The following PASD1 variants were observed in gnomAD, a reference collection of about 807,000 sequenced individuals.
The protein encoded by PASD1 is circadian clock protein PASD1.
PASD1 carries 13 observed loss-of-function variants against 58.8 expected under a neutral mutation model. The observed-to-expected ratio is 0.22, with a 90% CI of 0.14 to 0.35. The LOEUF (loss-of-function observed/expected upper bound fraction) is 0.35. Among genes scored for constraint, PASD1 ranks in the 10% least tolerant of loss-of-function variants. PASD1 has a pLI of 1.00. For missense variants in PASD1, 734 were observed against 568.3 expected (o/e 1.29, Z -2.96); for synonymous variants, 236 against 216.7 (o/e 1.09, Z -0.78).
At chrX:151,611,865 C>A in intron 4 of PASD1, 112 bp downstream of exon 4, 2 of 507,697 alleles carry the variant, frequency 3.9e-6, no homozygotes, top group Non-Finnish European at 3.1e-6. Context: ...ATGTGCACAA[C>A]GTGCAGGTTT....
At chrX:151,624,105 G>A (rs62609271) in intron 7 of PASD1, among the ~76,000 whole-genome samples, 24,176 of 110,978 alleles carry the variant, frequency 0.22, 2,096 homozygotes, top group Non-Finnish European at 0.27. Context: ...AAGAACAGAA[G>A]CAAGAATACC....
intron 1 of PASD1, among the ~76,000 whole-genome samples, chrX:151,584,736 C>T (rs757562582): frequency 5.5e-4 from 62 of 112,116 alleles, no homozygotes; most frequent in African/African-American, 1.8e-3. Flanking sequence ...AAACTTCACA[C>T]AGAATTCACT....
intron 8 of PASD1, among the ~76,000 whole-genome samples, chrX:151,632,834 A>G (rs779583823): frequency 1.3e-4 from 14 of 111,414 alleles, no homozygotes; most frequent in Non-Finnish European, 2.1e-4. Flanking sequence ...TTATCTATAA[A>G]TGATGAAGAT....
chrX:151,587,262 A>G (rs1351209478), intron 1 of PASD1, among the ~76,000 whole-genome samples: 3 of 97,852 alleles, frequency 3.1e-5, no homozygotes, highest in Non-Finnish European at 6.1e-5. Context: ...TTTTAGGAAC[A>G]GGATTAGGAT....
chrX:151,573,489 T>TA (rs1425249752), intron 1 of PASD1, among the ~76,000 whole-genome samples: 8 of 112,439 alleles, frequency 7.1e-5, no homozygotes, highest in African/African-American at 2.6e-4. Flanking sequence ...GAGAGAAACT[T>TA]ACCCTATTCG....
At chrX:151,566,057 G>A (rs2012836954) in intron 1 of PASD1, among the ~76,000 whole-genome samples, 1 of 112,159 alleles carries the variant, frequency 8.9e-6, no homozygotes, top group Admixed American at 9.4e-5. Flanking sequence ...TGTGATAAAA[G>A]TGTAGTTTAA....
intron 1 of PASD1, among the ~76,000 whole-genome samples, chrX:151,571,498 T>C (rs970457306): frequency 1.8e-5 from 2 of 111,586 alleles, no homozygotes; most frequent in Non-Finnish European, 3.8e-5. Context: ...GTCACTCCCT[T>C]GGGGCGCTCA....
chrX:151,671,307 CGGTA>C, intron 12 of PASD1, 111 bp downstream of exon 12: 1 of 898,613 alleles, frequency 1.1e-6, no homozygotes. Context: ...TGGTGTCTGC[CGGTA>C]GTGACAGCTG....
chrX:151,597,017 C>T (rs2013330264), intron 1 of PASD1, among the ~76,000 whole-genome samples: 1 of 111,941 alleles, frequency 8.9e-6, no homozygotes, highest in Non-Finnish European at 1.9e-5. Context: ...CCTGATATTT[C>T]TGGATTAACT....
At chrX:151,660,873 G>A (rs34558261) in intron 10 of PASD1, among the ~76,000 whole-genome samples, 29,801 of 111,524 alleles carry the variant, frequency 0.27, 3,590 homozygotes, top group Non-Finnish European at 0.38. Context: ...GGTAAACTGG[G>A]CCGGGCACGG....
intron 15 of PASD1, among the ~76,000 whole-genome samples, chrX:151,674,390 G>T (rs760391265): frequency 8.9e-6 from 1 of 112,497 alleles, no homozygotes; most frequent in Non-Finnish European, 1.9e-5. Flanking sequence ...AAAAAAGTGA[G>T]CTGGCCTAGT....
intron 4 of PASD1, among the ~76,000 whole-genome samples, chrX:151,613,813 TAC>T (rs992365874): frequency 6.3e-5 from 7 of 111,575 alleles, no homozygotes; most frequent in African/African-American, 2.3e-4. Flanking sequence ...GGTTTCAGAG[TAC>T]TATAGATTGG....
intron 8 of PASD1, among the ~76,000 whole-genome samples, chrX:151,632,251 G>A (rs1250760809): frequency 1.8e-5 from 2 of 111,084 alleles, no homozygotes; most frequent in Non-Finnish European, 3.8e-5. Context: ...GTTCCTTTGT[G>A]GCCAGAAAGG....
intron 15 of PASD1, 83 bp downstream of exon 15, chrX:151,674,269 G>A (rs1206261567): frequency 8.9e-7 from 1 of 1,118,788 alleles, no homozygotes; most frequent in African/African-American, 1.8e-5. Flanking sequence ...CACACCCCAA[G>A]TGCATGCTGT....
intron 8 of PASD1, among the ~76,000 whole-genome samples, chrX:151,629,968 A>T (rs2013847009): frequency 8.9e-6 from 1 of 111,868 alleles, no homozygotes; most frequent in African/African-American, 3.3e-5. Context: ...TCTATGCCGT[A>T]ATCTTCATAA....
rs202122336 is a variant in PASD1, at chrX:151,664,235, A to G, written c.958A>G (p.Met320Val). Residue 320 changes from methionine (M) to valine (V), a missense_variant, in exon 11 of 16, where the codon ATG becomes GTG. Physicochemically the swap from Met to Val is conservative, Grantham distance 21 (BLOSUM62 1). Coordinates refer to ENST00000370357, the MANE Select transcript of PASD1 (RefSeq NM_173493.3). ...QVDSVDQEGP[M>V]DQQDPENPVA... ...GGACTCAGTGGACCAGGAGGGCCCA[A>G]TGGACCAGCAGGACCCAGAGAACCC... 208 of 1,199,332 alleles carry G rather than the reference A, an allele frequency of 1.7e-4. No individual in the cohort carries two copies. The highest frequency in any genetic ancestry group is 9.7e-4 in the Admixed American group (44 of 45,505).
At chrX:151,647,207 G>A (rs1467024186) in intron 8 of PASD1, among the ~76,000 whole-genome samples, 3 of 112,009 alleles carry the variant, frequency 2.7e-5, no homozygotes, top group Non-Finnish European at 3.8e-5. Flanking sequence ...CAAGGGATAC[G>A]ACATGGTCTG....
chrX:151,674,946 T>C (rs1029129147), intron 15 of PASD1, among the ~76,000 whole-genome samples: 5 of 111,915 alleles, frequency 4.5e-5, no homozygotes, highest in African/African-American at 1.6e-4. Context: ...CATATACCCC[T>C]TGACTAACTG....
chrX:151,589,433 G>C (rs914517023), intron 1 of PASD1, among the ~76,000 whole-genome samples: 2 of 111,696 alleles, frequency 1.8e-5, no homozygotes, highest in African/African-American at 3.3e-5. Flanking sequence ...TGAGAAGACT[G>C]CATCCTTCTC....
Sources: gnomAD v4.1 joint callset for allele counts (sites outside exome capture counted in the v4.1 genomes callset) on GRCh38, gnomAD v4.1.1 for gene constraint, MANE v1.5 for transcripts, NCBI Gene and HGNC (gene_info 2026-07-23, HGNC 2026-07-21) for gene names.